Variants in SSBP2 observed in about 807,000 individuals in gnomAD.
SSBP2 encodes the protein single-stranded DNA-binding protein 2.
Under a neutral mutation model 61.8 loss-of-function variants are expected in SSBP2, and 17 were observed. The ratio of observed to expected loss-of-function variants is 0.28; its 90% CI spans 0.19 to 0.41. The LOEUF is 0.41. Among genes scored for constraint, SSBP2 ranks in the 10% least tolerant of loss-of-function variants. SSBP2 has a pLI of 1.00. For missense variants in SSBP2, 310 were observed against 458.7 expected (o/e 0.68, Z 2.96); for synonymous variants, 139 against 141.3 (o/e 0.98, Z 0.12).
chr5:81,474,501 T>C lies in SSBP2; in HGVS notation c.494A>G (p.Gln165Arg). The C allele has an allele frequency of 2.5e-6, 4 of 1,612,456 alleles. No individual in the cohort carries two copies. The highest frequency in any genetic ancestry group is 2.5e-6 in the Non-Finnish European group (3 of 1,178,954). ...TTTTACTTTAGAGTAGTCACCTTGT[T>C]GTCGAGTTGGATCCATTCCACTGGG... Residue 165 changes from glutamine to arginine, a missense_variant, in exon 7 of 17, where the codon CAA (glutamine) becomes CGA (arginine). Physicochemically the swap from Gln to Arg is conservative, Grantham distance 43. Transcript: ENST00000320672.
At chr5:81,615,405 AT>A in intron 4 of SSBP2, 67 bp downstream of exon 4, 1 of 1,147,768 alleles carries the variant, frequency 8.7e-7, no homozygotes, top group East Asian at 2.4e-5. Flanking sequence ...GAGCCAGTGT[AT>A]TTTTTAAGAG....
intron 1 of SSBP2, among the ~76,000 whole-genome samples, chr5:81,719,198 T>C (rs953432442): frequency 4.6e-5 from 7 of 152,132 alleles, no homozygotes; most frequent in Non-Finnish European, 8.8e-5. Context: ...CAGAAATTCA[T>C]GGGGTGTTTT....
chr5:81,496,747 G>GA (rs1767316803), intron 5 of SSBP2, among the ~76,000 whole-genome samples: 1 of 152,004 alleles, frequency 6.6e-6, no homozygotes, highest in African/African-American at 2.4e-5. Context: ...TTATGTAAAA[G>GA]AAAACCGAAG....
At chr5:81,518,763 T>C (rs1390849214) in intron 4 of SSBP2, among the ~76,000 whole-genome samples, 1 of 152,132 alleles carries the variant, frequency 6.6e-6, no homozygotes, top group Non-Finnish European at 1.5e-5. Flanking sequence ...TTATTTATCA[T>C]ACTAAAAAAT....
rs147377630 is a variant in SSBP2, at chr5:81,439,991, A to G, written c.928+567T>C. 5.2e-3 allele frequency among the ~76,000 whole-genome samples: 796 copies of G among 152,272 alleles called. 7 individuals are homozygous for G. The highest frequency in any genetic ancestry group is 0.014 in the Middle Eastern group (4 of 292). On this transcript the variant is annotated intron_variant, in intron 14 of 16. Transcript: ENST00000320672. ...TGGCCTATAAAGTATGTTTTCAACC[A>G]TCAGTCACTTGAAATGGTCTTTATC...
chr5:81,661,357 G>GT (rs1235601857), intron 1 of SSBP2, among the ~76,000 whole-genome samples: 4 of 152,086 alleles, frequency 2.6e-5, no homozygotes, highest in African/African-American at 7.2e-5. Flanking sequence ...TTCATTCCCT[G>GT]TGGATATACA....
At chr5:81,719,787 G>A (rs1755427289) in intron 1 of SSBP2, among the ~76,000 whole-genome samples, 1 of 152,136 alleles carries the variant, frequency 6.6e-6, no homozygotes, top group East Asian at 1.9e-4. Flanking sequence ...CAGCAGAAAA[G>A]GCCAATGCAG....
At chr5:81,723,339 T>G (rs1581422239) in intron 1 of SSBP2, among the ~76,000 whole-genome samples, 1 of 152,044 alleles carries the variant, frequency 6.6e-6, no homozygotes, top group African/African-American at 2.4e-5. Flanking sequence ...ATGATGTCAA[T>G]GTAGTTGATT....
chr5:81,743,257 T>C (rs1336941444), intron 1 of SSBP2, among the ~76,000 whole-genome samples: 1 of 152,176 alleles, frequency 6.6e-6, no homozygotes. Context: ...CTTGAGCAAT[T>C]ATGTTGATGC....
intron 3 of SSBP2, among the ~76,000 whole-genome samples, chr5:81,617,050 C>T (rs1206380026): frequency 4.4e-5 from 4 of 90,448 alleles, no homozygotes; most frequent in Admixed American, 2.5e-4. Flanking sequence ...AGCGCCTCTC[C>T]TCCTCCAAAG....
chr5:81,613,544 AAGATCT>A (rs1745665924), intron 4 of SSBP2, among the ~76,000 whole-genome samples: 1 of 152,216 alleles, frequency 6.6e-6, no homozygotes. Flanking sequence ...TTTTCCCCTT[AAGATCT>A]CCATGTTGAA....
Position 81,427,350 on chromosome 5 carries a change from T to TA in SSBP2, c.1056+1234dup, listed in dbSNP as rs1762018718. On this transcript the variant is annotated intron_variant, in intron 16 of 16. Coordinates refer to ENST00000320672, the MANE Select transcript of SSBP2 (RefSeq NM_012446.5). ...TTTTTCAACTGTAAACTGTTACACATAAAAAATTATTTGTCCTCACTAATC... is the reference window on the plus strand; with the variant it reads ...TTTTTCAACTGTAAACTGTTACACATAAAAAAATTATTTGTCCTCACTAATC... Among the ~76,000 whole-genome samples, 8 of 152,228 alleles carry TA rather than the reference T, an allele frequency of 5.3e-5. No individual in the cohort carries two copies. In the South Asian group the frequency reaches 1.7e-3, roughly 32 times the overall value.
rs542798701 is a variant in SSBP2, at chr5:81,497,495, T to C, written c.373-8186A>G. 5.3e-5 allele frequency among the ~76,000 whole-genome samples: 8 copies of C among 152,308 alleles called. No homozygotes were observed. In the East Asian group the frequency reaches 1.5e-3, roughly 29 times the overall value. ...TATAAAATCTCACCTGGACAATTTA[T>C]TTGTCTTGTTAAAAATAGGCAGTAT... On this transcript the variant is annotated intron_variant, in intron 5 of 16. Transcript: ENST00000320672.
In SSBP2 at chr5:81,414,438, C is replaced by T. The variant is rs1761234944; in HGVS notation, c.*6066G>A. The T allele has an allele frequency of 6.6e-6, 1 of 152,148 alleles. No homozygotes were observed. Among genetic ancestry groups the T allele is most frequent in the Non-Finnish European group, 1.5e-5 (1 of 68,004 alleles). 9.4% of individuals were successfully genotyped at this position (152,148 alleles called of 1,614,324 possible). On this transcript the variant is annotated 3_prime_UTR_variant, in exon 17 of 17. Coordinates refer to ENST00000320672, the MANE Select transcript of SSBP2 (RefSeq NM_012446.5). ...ACTTATTGAACTGAGGATTTCACTT[C>T]ATAGTTTAAAAAAGTAAACAGGTCT...
chr5:81,687,051 A>G (rs976959672), intron 1 of SSBP2, among the ~76,000 whole-genome samples: 2 of 152,194 alleles, frequency 1.3e-5, no homozygotes, highest in East Asian at 3.8e-4. Context: ...CAGACGAGTC[A>G]TAACAGTACC....
intron 1 of SSBP2, among the ~76,000 whole-genome samples, chr5:81,707,695 C>A (rs1754489015): frequency 6.6e-6 from 1 of 150,960 alleles, no homozygotes; most frequent in South Asian, 2.1e-4. Flanking sequence ...TCAAAAGTGG[C>A]TGTAAGGGAA....
intron 3 of SSBP2, among the ~76,000 whole-genome samples, chr5:81,618,405 A>T (rs1225590794): frequency 1.2e-5 from 1 of 80,428 alleles, no homozygotes; most frequent in Non-Finnish European, 2.6e-5. Flanking sequence ...GGAGCTAACT[A>T]TCCTAAATAT....
intron 1 of SSBP2, among the ~76,000 whole-genome samples, chr5:81,666,422 A>G (rs1751142109): frequency 6.6e-6 from 1 of 152,144 alleles, no homozygotes; most frequent in Non-Finnish European, 1.5e-5. Flanking sequence ...CTGATGTTTC[A>G]TTGATGTCAT....
chr5:81,696,617 G>T (rs1184299345), intron 1 of SSBP2, among the ~76,000 whole-genome samples: 2 of 152,180 alleles, frequency 1.3e-5, no homozygotes, highest in African/African-American at 4.8e-5. Flanking sequence ...TAGTTCTGGA[G>T]TTCAACTATA....
Sources: allele counts gnomAD v4.1 joint callset (sites outside exome capture counted in the v4.1 genomes callset), GRCh38; gene constraint gnomAD v4.1.1; transcripts MANE v1.5; gene names NCBI Gene and HGNC (gene_info 2026-07-23, HGNC 2026-07-21).